The following GMEB2 variants were observed in gnomAD, a reference collection of about 807,000 sequenced individuals.
GMEB2 encodes glucocorticoid modulatory element binding protein 2.
Under a neutral mutation model 45.7 loss-of-function variants are expected in GMEB2, and 7 were observed. The observed-to-expected ratio is 0.15, with a 90% confidence interval of 0.09 to 0.29. The LOEUF (loss-of-function observed/expected upper bound fraction) is 0.29, where lower values mean the gene tolerates loss of function less well. Ranked by LOEUF, GMEB2 falls within the 10% of genes least tolerant of loss-of-function variation. The pLI is 1.00. For synonymous variants in GMEB2, 322 were observed against 323.6 expected (o/e 1.00, Z 0.05); for missense variants, 582 against 739.2 (o/e 0.79, Z 2.47).
At chr20:63,599,196 AG>A (rs1288088776) in intron 4 of GMEB2, among the ~76,000 whole-genome samples, 4 of 148,220 alleles carry the variant, frequency 2.7e-5, no homozygotes, top group African/African-American at 1.0e-4. Context: ...GACCCCCCGG[AG>A]CTAACGTGGC....
intron 4 of GMEB2, 76 bp from the exon 5 acceptor site, chr20:63,597,936 T>A: frequency 1.2e-6 from 1 of 852,586 alleles, no homozygotes; most frequent in Non-Finnish European, 2.0e-6. Flanking sequence ...CATCCGACCC[T>A]GAGTCAGGCG....
At chr20:63,613,138 A>G (rs2089583277) in intron 2 of GMEB2, among the ~76,000 whole-genome samples, 3 of 152,160 alleles carry the variant, frequency 2.0e-5, no homozygotes, top group Admixed American at 2.0e-4. Flanking sequence ...TAAACAGCAA[A>G]AGAAAACTGA....
At chr20:63,598,469 T>G (rs2083216692) in intron 4 of GMEB2, among the ~76,000 whole-genome samples, 1 of 152,176 alleles carries the variant, frequency 6.6e-6, no homozygotes, top group Non-Finnish European at 1.5e-5. Flanking sequence ...CTGTTCAATC[T>G]TGTTACACAA....
At chr20:63,591,953 G>A (rs2083150443) in intron 9 of GMEB2, 69 bp downstream of exon 9, 2 of 1,402,404 alleles carry the variant, frequency 1.4e-6, no homozygotes, top group Non-Finnish European at 2.0e-6. Flanking sequence ...ACAGCCGTGG[G>A]GTGAGCCCGT....
At chr20:63,622,226 C>G (rs940655557) in intron 1 of GMEB2, among the ~76,000 whole-genome samples, 2 of 152,192 alleles carry the variant, frequency 1.3e-5, no homozygotes, top group African/African-American at 4.8e-5. Flanking sequence ...TCACCTGCCC[C>G]TAGGACTGTA....
chr20:63,590,674 C>T lies in GMEB2; in HGVS notation c.1008G>A (p.Lys336=), dbSNP rs1413811681. The change falls in exon 10 of 10, where the codon AAG becomes AAA. Residue 336 remains lysine, a synonymous_variant. Coordinates refer to ENST00000370077, the MANE Select transcript of GMEB2 (RefSeq NM_012384.5). Reference sequence around the variant, plus strand: ...TGAGCACGTTGCTGAGGTGCTGGGACTTGTGCTTCAGCTCCTTGGCTCGGC... The same window carrying T: ...TGAGCACGTTGCTGAGGTGCTGGGATTTGTGCTTCAGCTCCTTGGCTCGGC... ...HRRRAKELKH[K]SQHLSNVLMT... The T allele has an allele frequency of 2.6e-6, 4 of 1,544,856 alleles. No homozygotes were observed. The South Asian group carries it at 4.9e-5, about 19-fold the overall frequency.
chr20:63,611,100 C>T (rs543747772), intron 2 of GMEB2, among the ~76,000 whole-genome samples: 4 of 152,344 alleles, frequency 2.6e-5, no homozygotes, highest in East Asian at 1.9e-4. Flanking sequence ...CCAAGCTCTG[C>T]GGTGGTTTGT....
intron 2 of GMEB2, among the ~76,000 whole-genome samples, chr20:63,610,762 C>A (rs1008703923): frequency 6.6e-6 from 1 of 152,224 alleles, no homozygotes; most frequent in Non-Finnish European, 1.5e-5. Flanking sequence ...AAAGCAACTG[C>A]AGACTGAAAA....
At chr20:63,609,381 C>G (rs1209618216) in intron 2 of GMEB2, among the ~76,000 whole-genome samples, 1 of 134,892 alleles carries the variant, frequency 7.4e-6, no homozygotes, top group African/African-American at 2.8e-5. Flanking sequence ...GCCCCTCTGA[C>G]CTCACCTCCA....
intron 2 of GMEB2, among the ~76,000 whole-genome samples, chr20:63,610,963 G>A (rs560153333): frequency 6.6e-6 from 1 of 152,342 alleles, no homozygotes; most frequent in Admixed American, 6.5e-5. Context: ...CACATGCAGA[G>A]CCTCGGCCAG....
intron 9 of GMEB2, among the ~76,000 whole-genome samples, chr20:63,591,277 G>T (rs547844223): frequency 3.3e-5 from 5 of 151,992 alleles, no homozygotes; most frequent in Non-Finnish European, 7.4e-5. Context: ...CACACACACT[G>T]AACACAGTGA....
intron 2 of GMEB2, among the ~76,000 whole-genome samples, chr20:63,618,814 C>G (rs1376891775): frequency 6.6e-6 from 1 of 152,178 alleles, no homozygotes; most frequent in Non-Finnish European, 1.5e-5. Context: ...CTACGGGCAG[C>G]AAAACAAAGC....
At chr20:63,622,321 C>T (rs2089646483) in intron 1 of GMEB2, among the ~76,000 whole-genome samples, 1 of 152,204 alleles carries the variant, frequency 6.6e-6, no homozygotes, top group Non-Finnish European at 1.5e-5. Flanking sequence ...GCCCTGCACT[C>T]ACTAAGGGGA....
At chr20:63,597,334 T>A (rs191846797) in intron 5 of GMEB2, among the ~76,000 whole-genome samples, 1 of 152,074 alleles carries the variant, frequency 6.6e-6, no homozygotes, top group Admixed American at 6.6e-5. Flanking sequence ...ATAATTTTTT[T>A]TTTATTTTTA....
At chr20:63,599,860 G>C (rs1382546155) in intron 4 of GMEB2, among the ~76,000 whole-genome samples, 2 of 152,160 alleles carry the variant, frequency 1.3e-5, no homozygotes, top group African/African-American at 4.8e-5. Context: ...CAGCTACTGA[G>C]AGTGAAGCAG....
chr20:63,607,225 C>T (rs35513238), intron 2 of GMEB2, among the ~76,000 whole-genome samples: 70 of 141,838 alleles, frequency 4.9e-4, no homozygotes, highest in Middle Eastern at 3.8e-3. Context: ...TAGAAACATG[C>T]CCCTCTGACC....
chr20:63,619,298 C>T lies in GMEB2; in HGVS notation c.100G>A (p.Val34Met), dbSNP rs73134074. 49 of 1,612,352 alleles carry T rather than the reference C, an allele frequency of 3.0e-5. No homozygotes were observed. Among genetic ancestry groups the T allele is most frequent in the African/African-American group, 5.3e-5 (4 of 74,994 alleles). ...GGGGCCAAGTTGGTCGTCACCAACA[C>T]GGTCTTCACCCCCTCCACACCACTG... ...DGSGVEGVKT[V>M]LVTTNLAPHG... is the part of the protein sequence containing the mutation. The change falls in exon 2 of 10, where the codon GTG becomes ATG. Residue 34 changes from valine (V) to methionine (M), a missense_variant. Val to Met is a conservative substitution (Grantham distance 21). This residue lies in a region of GMEB2 where 114 missense variants were observed against 123.4 expected (regional missense o/e 0.92). Transcript: ENST00000370077. The surrounding 1 kb of genome is among the most constrained non-coding windows in gnomAD (Gnocchi z 4.6).
chr20:63,591,410 G>T (rs1024236928), intron 9 of GMEB2, among the ~76,000 whole-genome samples: 1 of 152,082 alleles, frequency 6.6e-6, no homozygotes, highest in Non-Finnish European at 1.5e-5. Flanking sequence ...TGGAGGAAAC[G>T]CACCAATATC....
At chr20:63,608,949 T>C (rs1391572029) in intron 2 of GMEB2, among the ~76,000 whole-genome samples, 1 of 23,804 alleles carries the variant, frequency 4.2e-5, no homozygotes, top group African/African-American at 8.5e-5. Context: ...CCTCCATTTC[T>C]AGAAACATGC....
Sources: allele counts gnomAD v4.1 joint callset (sites outside exome capture counted in the v4.1 genomes callset), GRCh38; gene constraint gnomAD v4.1.1; regional missense constraint gnomAD v4.1.1; non-coding constraint Gnocchi (gnomAD v3.1); transcripts MANE v1.5; gene names NCBI Gene and HGNC (gene_info 2026-07-23, HGNC 2026-07-21).